The following ABCA13 variants were observed in gnomAD, a reference collection of about 807,000 sequenced individuals.
The protein encoded by ABCA13 is ATP-binding cassette sub-family A member 13.
A neutral mutation model predicts 478.7 loss-of-function variants in ABCA13; 476 were observed. The ratio of observed to expected loss-of-function variants is 0.99; its 90% CI spans 0.92 to 1.07. The LOEUF (loss-of-function observed/expected upper bound fraction) is 1.07, where lower values mean the gene tolerates loss of function less well. Among genes scored for constraint, ABCA13 ranks in the 50% least tolerant of loss-of-function variants. The pLI is 0.00. For missense variants in ABCA13, 6,060 were observed against 5,910.6 expected (o/e 1.03, Z -0.83); for synonymous variants, 2,252 against 2,158.9 (o/e 1.04, Z -1.20).
chr7:48,221,197 G>A, intron 4 of ABCA13, 84 bp from the exon 5 acceptor site: 1 of 697,740 alleles, frequency 1.4e-6, no homozygotes, highest in Non-Finnish European at 2.5e-6. Flanking sequence ...TACTCCATTT[G>A]ACTTTAGAAT....
chr7:48,515,830 C>A lies in ABCA13; in HGVS notation c.13641-895C>A, dbSNP rs1832064428. 2.0e-5 allele frequency among the ~76,000 whole-genome samples: 3 copies of A among 152,062 alleles called. No homozygotes were observed. The South Asian group carries it at 6.2e-4, about 32-fold the overall frequency. ...CTGCAGCTTTTTATATTCTTGATAT[C>A]TTTTGATTCTCAATATAATGAATAA... On this transcript the variant is annotated intron_variant, in intron 51 of 61. Transcript: ENST00000435803.
intron 59 of ABCA13, chr7:48,626,505 A>G (rs2131616200): frequency 1.9e-6 from 1 of 515,688 alleles, no homozygotes; most frequent in Non-Finnish European, 2.5e-6. Flanking sequence ...ATTAATTCTA[A>G]GGTAAAAAAA....
chr7:48,318,022 A>G (rs1191006781), intron 27 of ABCA13, among the ~76,000 whole-genome samples: 1 of 152,198 alleles, frequency 6.6e-6, no homozygotes, highest in Non-Finnish European at 1.5e-5. Flanking sequence ...TACCAAGGAC[A>G]CAGGAATAAT....
chr7:48,551,193 G>A (rs1436557949), intron 55 of ABCA13, among the ~76,000 whole-genome samples: 1 of 151,330 alleles, frequency 6.6e-6, no homozygotes, highest in Non-Finnish European at 1.5e-5. Flanking sequence ...TTTTGTGATT[G>A]TCTACTCCTA....
At chr7:48,319,543 C>A (rs578210019) in intron 27 of ABCA13, among the ~76,000 whole-genome samples, 51 of 152,272 alleles carry the variant, frequency 3.3e-4, no homozygotes, top group African/African-American at 1.1e-3. Context: ...TGGAGTGGCC[C>A]ATGCTATAAA....
intron 19 of ABCA13, among the ~76,000 whole-genome samples, chr7:48,285,867 A>G (rs1797666158): frequency 6.6e-6 from 1 of 152,216 alleles, no homozygotes; most frequent in Non-Finnish European, 1.5e-5. Flanking sequence ...GACACATTTT[A>G]TATTTCCTAC....
Position 48,278,371 on chromosome 7 carries a change from T to A in ABCA13, c.7177T>A (p.Phe2393Ile). ...IDFFTVVSQL[F>I]FHVNKSEDLF... ...CTTTTTCACAGTGGTGAGTCAGTTG[T>A]TTTTCCATGTGAATAAGTCTGAGGA... Residue 2393 changes from phenylalanine to isoleucine, a missense_variant, in exon 18 of 62, where the codon TTT becomes ATT. Transcript: ENST00000435803. The A allele has an allele frequency of 6.2e-7, 1 of 1,613,804 alleles. No homozygotes were observed. Among genetic ancestry groups the A allele is most frequent in the Non-Finnish European group, 8.5e-7 (1 of 1,179,806 alleles).
At chr7:48,466,862 G>A in intron 43 of ABCA13, 94 bp from the exon 44 acceptor site, 2 of 1,171,054 alleles carry the variant, frequency 1.7e-6, no homozygotes, top group Non-Finnish European at 2.6e-6. Flanking sequence ...AGCCTGACTA[G>A]GGCACAATGT....
Position 48,281,347 on chromosome 7 carries a change from G to T in ABCA13, c.8731G>T (p.Val2911Phe), listed in dbSNP as rs766061629. The T allele has an allele frequency of 2.0e-5, 32 of 1,599,414 alleles. No homozygotes were observed. The highest frequency in any genetic ancestry group is 2.6e-5 in the Non-Finnish European group (30 of 1,172,848). Residue 2911 changes from valine to phenylalanine, a missense_variant, in exon 19 of 62, where the codon GTT (valine) becomes TTT (phenylalanine). Val to Phe is a conservative substitution (Grantham distance 50). Coordinates refer to ENST00000435803, the MANE Select transcript of ABCA13 (RefSeq NM_152701.5). ...TGTATATATTTTTTTGCTAAGTGTT[G>T]TTGAGATTTGTGAAGTTTTCCAGCA... ...QQIPLTDQSV[V>F]EICEVFQQTV...
chr7:48,308,000 A>T (rs1016278802), intron 23 of ABCA13, among the ~76,000 whole-genome samples: 1 of 152,218 alleles, frequency 6.6e-6, no homozygotes, highest in African/African-American at 2.4e-5. Flanking sequence ...TTAAAATTTT[A>T]AAAAACTTTT....
intron 27 of ABCA13, among the ~76,000 whole-genome samples, chr7:48,323,360 T>C (rs1290278305): frequency 1.3e-5 from 2 of 152,192 alleles, no homozygotes; most frequent in Non-Finnish European, 2.9e-5. Context: ...CTTGTACCCA[T>C]TTGAGCCAAA....
intron 19 of ABCA13, among the ~76,000 whole-genome samples, chr7:48,283,589 C>T (rs749886715): frequency 5.9e-5 from 9 of 152,170 alleles, no homozygotes; most frequent in Non-Finnish European, 1.3e-4. Context: ...TTGGATAGGT[C>T]AATGCATGAG....
Position 48,317,081 on chromosome 7 carries a change from T to C in ABCA13, c.9860-76T>C, listed in dbSNP as rs138435257. The C allele has an allele frequency of 6.0e-6, 9 of 1,504,620 alleles. No homozygotes were observed. The South Asian group carries it at 1.0e-4, about 17-fold the overall frequency. The allele number at this position is 1,504,620 out of a possible 1,614,324, so 93.2% of individuals were successfully genotyped here. A position where few individuals can be genotyped will look rare whatever the true frequency, so the allele number is the denominator to read the frequency against. On this transcript the variant is annotated intron_variant, in intron 26 of 61. Coordinates refer to ENST00000435803, the MANE Select transcript of ABCA13 (RefSeq NM_152701.5). ...GTCATTGAAAATGAGGCATCCTGGA[T>C]ATGTGAATGAATTTCCCTATTAACC...
At chr7:48,331,060 G>GA (rs1188903629) in intron 27 of ABCA13, among the ~76,000 whole-genome samples, 7 of 152,146 alleles carry the variant, frequency 4.6e-5, no homozygotes, top group Non-Finnish European at 1.0e-4. Flanking sequence ...AATAAGGAGG[G>GA]AAGAGGGTGA....
chr7:48,419,655 C>G (rs35457699), intron 41 of ABCA13, among the ~76,000 whole-genome samples: 2 of 152,136 alleles, frequency 1.3e-5, no homozygotes, highest in Non-Finnish European at 2.9e-5. Flanking sequence ...ACAAGTTGTT[C>G]AATTACTTTG....
rs78930625 is a variant in ABCA13 at position 48,275,043 on chromosome 7, A to G, written c.5377A>G (p.Ile1793Val). 3.7e-6 allele frequency: 6 copies of G among 1,613,754 alleles called. No individual in the cohort carries two copies. In the East Asian group the frequency reaches 1.3e-4, roughly 36 times the overall value. ...ISNITKEDFA[I>V]VIKILLDTIE... ...AAATATCACCAAGGAAGACTTCGCA[A>G]TTGTGATAAAAATTCTTTTGGATAC... The change falls in exon 17 of 62, where the codon ATT (isoleucine) becomes GTT (valine). Residue 1793 changes from isoleucine to valine, a missense_variant. Ile to Val is a conservative substitution (Grantham distance 29, BLOSUM62 3). Transcript: ENST00000435803.
chr7:48,282,836 C>T (rs956368339), intron 19 of ABCA13, among the ~76,000 whole-genome samples: 1 of 152,134 alleles, frequency 6.6e-6, no homozygotes, highest in Non-Finnish European at 1.5e-5. Context: ...TGTGTCTCTT[C>T]TACAGTTGTG....
chr7:48,419,325 G>T (rs1473970409), intron 41 of ABCA13, among the ~76,000 whole-genome samples: 1 of 152,106 alleles, frequency 6.6e-6, no homozygotes, highest in South Asian at 2.1e-4. Context: ...ATTTGTATTT[G>T]TACTTTACCC....
intron 48 of ABCA13, among the ~76,000 whole-genome samples, chr7:48,495,538 A>G (rs964598122): frequency 4.6e-5 from 7 of 152,314 alleles, no homozygotes; most frequent in South Asian, 2.1e-4. Context: ...TTATATGTCA[A>G]TTAGATCCTG....
Sources: gnomAD v4.1 joint callset for allele counts (sites outside exome capture counted in the v4.1 genomes callset) on GRCh38, gnomAD v4.1.1 for gene constraint, MANE v1.5 for transcripts, NCBI Gene and HGNC (gene_info 2026-07-23, HGNC 2026-07-21) for gene names.